The following SDK2 variants were observed in gnomAD, a reference collection of about 807,000 sequenced individuals.
The protein encoded by SDK2 is protein sidekick-2.
In SDK2, 105 loss-of-function variants were observed where a neutral mutation model predicts 253.9. The ratio of observed to expected loss-of-function variants is 0.41; its 90% CI spans 0.35 to 0.49. The LOEUF is 0.49. Among genes scored for constraint, SDK2 ranks in the 20% least tolerant of loss-of-function variants. The pLI is 0.06. For missense variants in SDK2, 2,608 were observed against 3,003.0 expected (o/e 0.87, Z 3.07); for synonymous variants, 1,249 against 1,234.9 (o/e 1.01, Z -0.24).
chr17:73,430,597 G>A lies in SDK2; in HGVS notation c.1497C>T (p.Thr499=), dbSNP rs1448096849. 1 of 1,575,928 alleles carries A rather than the reference G, an allele frequency of 6.3e-7. No individual in the cohort carries two copies. Among genetic ancestry groups the A allele is most frequent in the Admixed American group, 1.8e-5 (1 of 55,434 alleles). ...TGACACTCTGATCCTGGGGGGGCTT[G>A]GTGATGCGGGTCCGAGCTGAAAGAT... is the stretch of plus-strand genomic sequence containing the variant. ...DLVVWARTRI[T]KPPQDQSVIK... Residue 499 remains threonine (T), a synonymous_variant, in exon 12 of 45, where the codon ACC becomes ACT. Transcript: ENST00000392650.
chr17:73,457,284 T>TCCCCC (rs2063534612), intron 3 of SDK2, among the ~76,000 whole-genome samples: 1 of 30,536 alleles, frequency 3.3e-5, no homozygotes, highest in Non-Finnish European at 5.4e-5. Flanking sequence ...CCTTCCTTCC[T>TCCCCC]TCCCCCCTCC....
At chr17:73,545,195 C>A (rs2044941538) in intron 1 of SDK2, among the ~76,000 whole-genome samples, 1 of 151,416 alleles carries the variant, frequency 6.6e-6, no homozygotes, top group Non-Finnish European at 1.5e-5. Flanking sequence ...GGGTTCCCCT[C>A]CCCTGGAAAT....
At position 73,338,721 on chromosome 17, in the gene SDK2, G is replaced by A. The variant is rs750337020; in HGVS notation, c.6385C>T (p.Pro2129Ser). The change falls in exon 45 of 45, where the codon CCC becomes TCC. Residue 2129 changes from proline (P) to serine (S), a missense_variant. Physicochemically the swap from Pro to Ser is moderately conservative, Grantham distance 74 (BLOSUM62 -1). Coordinates refer to ENST00000392650, the MANE Select transcript of SDK2 (RefSeq NM_001144952.2). This position sits in a 1 kb window ranked among gnomAD's most constrained non-coding sequence, Gnocchi z 5.0. The stretch of plus-strand genomic sequence containing the variant: ...GGCGTTGGAGTCCGACTGGCCTTGG[G>A]CCGAAAGAGGCTGCCCTGCTGGGTG... ...TSTQQGSLFR[P>S]KASRTPTPQN... The A allele has an allele frequency of 6.2e-7, 1 of 1,612,678 alleles. No individual in the cohort carries two copies. Among genetic ancestry groups the A allele is most frequent in the East Asian group, 2.2e-5 (1 of 44,864 alleles).
chr17:73,455,911 G>T lies in SDK2; in HGVS notation c.474C>A (p.Ser158Arg), dbSNP rs1169183593. The T allele has an allele frequency of 6.5e-7, 1 of 1,542,684 alleles. No individual in the cohort carries two copies. ...FRDGRKIPPS[S>R]RIAITLENTL... ...CCTCAGAGCGATGCACTCACATGCGGCTGCTGGGCGGGATCTTGCGGCCGT... is the reference window on the plus strand; with the variant it reads ...CCTCAGAGCGATGCACTCACATGCGTCTGCTGGGCGGGATCTTGCGGCCGT... Residue 158 changes from serine to arginine, a missense_variant, in exon 4 of 45, where the codon AGC becomes AGA. This residue lies in a region of SDK2 where 1,505 missense variants were observed against 1,859.1 expected (regional missense o/e 0.81). Transcript: ENST00000392650. The surrounding 1 kb of genome is among the most constrained non-coding windows in gnomAD (Gnocchi z 5.0).
At chr17:73,389,501 T>C (rs781051320) in intron 29 of SDK2, among the ~76,000 whole-genome samples, 22 of 151,936 alleles carry the variant, frequency 1.4e-4, no homozygotes, top group Non-Finnish European at 2.8e-4. Flanking sequence ...AATATTTCTA[T>C]GTTCTGTAGA....
In SDK2 at chr17:73,338,563, T is replaced by C. The variant is rs1270743590; in HGVS notation, c.*24A>G. 1 of 1,406,792 alleles carries C rather than the reference T, an allele frequency of 7.1e-7. No homozygotes were observed. Among genetic ancestry groups the C allele is most frequent in the Non-Finnish European group, 9.6e-7 (1 of 1,045,568 alleles). 87.1% of individuals were successfully genotyped at this position (1,406,792 alleles called of 1,614,324 possible). Reference sequence around the variant, plus strand: ...AAGGAGGAGTTTGGTGCCATTTCTCTTTCTGCTTTTTCCTCTTCTGATGTC... The same window carrying C: ...AAGGAGGAGTTTGGTGCCATTTCTCCTTCTGCTTTTTCCTCTTCTGATGTC... On this transcript the variant is annotated 3_prime_UTR_variant, in exon 45 of 45. Transcript: ENST00000392650. The surrounding 1 kb of genome is among the most constrained non-coding windows in gnomAD (Gnocchi z 5.0).
chr17:73,577,452 A>T (rs1209677530), intron 1 of SDK2, among the ~76,000 whole-genome samples: 2 of 152,204 alleles, frequency 1.3e-5, no homozygotes, highest in Admixed American at 1.3e-4. Context: ...AGAAGCCGTA[A>T]GTTCAGTGGG....
chr17:73,412,578 A>G (rs1167027061), intron 18 of SDK2, among the ~76,000 whole-genome samples: 1 of 152,176 alleles, frequency 6.6e-6, no homozygotes, highest in African/African-American at 2.4e-5. Context: ...AAATGAGGTC[A>G]TTAGTGTGGG....
chr17:73,348,597 A>C lies in SDK2; in HGVS notation c.6165+2T>G. 1 of 1,612,134 alleles carries C rather than the reference A, an allele frequency of 6.2e-7. No homozygotes were observed. Among genetic ancestry groups the C allele is most frequent in the East Asian group, 2.2e-5 (1 of 44,854 alleles). ...CAGGACACCTGGCCCTCCTGCCCTCACCTGAGAGTCGGAGATTTCTGAGGG... is the reference window on the plus strand; with the variant it reads ...CAGGACACCTGGCCCTCCTGCCCTCCCCTGAGAGTCGGAGATTTCTGAGGG... On this transcript the variant is annotated splice_donor_variant, in intron 44 of 44. Transcript: ENST00000392650. LOFTEE classifies it high-confidence loss of function.
intron 12 of SDK2, among the ~76,000 whole-genome samples, chr17:73,425,901 T>C (rs1030175067): frequency 3.9e-5 from 6 of 152,132 alleles, no homozygotes; most frequent in African/African-American, 1.2e-4. Flanking sequence ...GCTGTGAGGA[T>C]TGTGCAAGCT....
intron 30 of SDK2, among the ~76,000 whole-genome samples, chr17:73,386,869 TC>T (rs1434430905): frequency 6.6e-6 from 1 of 152,178 alleles, no homozygotes; most frequent in Non-Finnish European, 1.5e-5. Context: ...AACCATGCAG[TC>T]ACAAAAGCAC....
intron 2 of SDK2, among the ~76,000 whole-genome samples, chr17:73,491,155 C>T (rs2063803925): frequency 6.6e-6 from 1 of 152,124 alleles, no homozygotes; most frequent in African/African-American, 2.4e-5. Flanking sequence ...TAGCTGTTGC[C>T]ATTATTATTA....
chr17:73,606,988 G>A lies in SDK2; in HGVS notation c.64+37037C>T, dbSNP rs1045690055. Among the ~76,000 whole-genome samples, 3 of 152,262 alleles carry A rather than the reference G, an allele frequency of 2.0e-5. No individual in the cohort carries two copies. The East Asian group carries it at 5.8e-4, about 29-fold the overall frequency. On this transcript the variant is annotated intron_variant, in intron 1 of 44. Coordinates refer to ENST00000392650, the MANE Select transcript of SDK2 (RefSeq NM_001144952.2). ...GGCCCAAGAGCCAATGCTTCTTGAG[G>A]GTCTCCAATATTCAAGCTAGACCAT...
chr17:73,509,471 G>A (rs554013611), intron 1 of SDK2, among the ~76,000 whole-genome samples: 1 of 152,162 alleles, frequency 6.6e-6, no homozygotes, highest in South Asian at 2.1e-4. Flanking sequence ...GAAAACACCA[G>A]ACAGCCTTCT....
intron 18 of SDK2, among the ~76,000 whole-genome samples, chr17:73,409,885 C>T (rs976360889): frequency 6.6e-6 from 1 of 152,038 alleles, no homozygotes; most frequent in Non-Finnish European, 1.5e-5. Context: ...CACAGGGTCT[C>T]ACTCTGTCAC....
rs183535592 is a variant in SDK2 at position 73,635,907 on chromosome 17, A to G, written c.64+8118T>C. Reference sequence around the variant, plus strand: ...AGACCTTCAATATTCTGCCAAGTTAAGGCCTAGTGAGGACACAGCCAGGGT... The same window carrying G: ...AGACCTTCAATATTCTGCCAAGTTAGGGCCTAGTGAGGACACAGCCAGGGT... On this transcript the variant is annotated intron_variant, in intron 1 of 44. Transcript: ENST00000392650. Among the ~76,000 whole-genome samples, 74 of 152,326 alleles carry G rather than the reference A, an allele frequency of 4.9e-4. 1 individual carries two copies. Among genetic ancestry groups the G allele is most frequent in the Non-Finnish European group, 1.5e-4 (10 of 68,042 alleles).
chr17:73,461,985 T>C (rs2063565593), intron 3 of SDK2, among the ~76,000 whole-genome samples: 1 of 152,130 alleles, frequency 6.6e-6, no homozygotes, highest in African/African-American at 2.4e-5. Context: ...TATGCATGTA[T>C]GCATGTGTCA....
chr17:73,349,224 G>A (rs943636547), intron 43 of SDK2, among the ~76,000 whole-genome samples: 1 of 152,204 alleles, frequency 6.6e-6, no homozygotes, highest in Non-Finnish European at 1.5e-5. Context: ...CCTGCTGTGG[G>A]GGCCTCAAAC....
chr17:73,635,246 C>T (rs1388904441), intron 1 of SDK2, among the ~76,000 whole-genome samples: 1 of 152,146 alleles, frequency 6.6e-6, no homozygotes, highest in Non-Finnish European at 1.5e-5. Flanking sequence ...CCTCTGCCTC[C>T]CAAAGTGCTG....
Sources: allele counts gnomAD v4.1 joint callset (sites outside exome capture counted in the v4.1 genomes callset), GRCh38; gene constraint gnomAD v4.1.1; regional missense constraint gnomAD v4.1.1; non-coding constraint Gnocchi (gnomAD v3.1); transcripts MANE v1.5; gene names NCBI Gene and HGNC (gene_info 2026-07-23, HGNC 2026-07-21).